GRIK4: variants seen among roughly 807,000 people sequenced by gnomAD.
The protein encoded by GRIK4 is glutamate ionotropic receptor kainate type subunit 4.
In GRIK4, 40 loss-of-function variants were observed where a neutral mutation model predicts 104.9. That is an observed-to-expected ratio of 0.38 (90% CI 0.30 to 0.50). The LOEUF is 0.50. Among genes scored for constraint, GRIK4 ranks in the 20% least tolerant of loss-of-function variants. The pLI is 0.93. For missense variants in GRIK4, 1,047 were observed against 1,308.1 expected (o/e 0.80, Z 3.08); for synonymous variants, 485 against 524.9 (o/e 0.92, Z 1.04).
chr11:120,793,503 G>A (rs1565355794), intron 3 of GRIK4, among the ~76,000 whole-genome samples: 2 of 152,252 alleles, frequency 1.3e-5, no homozygotes, highest in Non-Finnish European at 2.9e-5. Flanking sequence ...GAGCTTGTTG[G>A]GAAGGTATGG....
At position 120,517,542 on chromosome 11, in the gene GRIK4, G is replaced by A. The variant is rs540209492; in HGVS notation, c.-159+5655G>A. 8.0e-5 allele frequency among the ~76,000 whole-genome samples: 12 copies of A among 149,104 alleles called. 1 individual carries two copies. In the South Asian group the frequency reaches 2.6e-3, roughly 33 times the overall value. On this transcript the variant is annotated intron_variant, in intron 1 of 20. Transcript: ENST00000527524. ...AAAGTTGGAGAGCAGGGAGACCCAA[G>A]TGGTGAGGGTGATAGCTGTGCTACG... is the stretch of plus-strand genomic sequence containing the variant.
At chr11:120,633,699 G>A (rs1949359773) in intron 1 of GRIK4, among the ~76,000 whole-genome samples, 1 of 152,234 alleles carries the variant, frequency 6.6e-6, no homozygotes, top group Non-Finnish European at 1.5e-5. Flanking sequence ...GGCTGTGTTA[G>A]CATTAGAAGG....
At chr11:120,522,026 T>G (rs1947801456) in intron 1 of GRIK4, among the ~76,000 whole-genome samples, 1 of 152,360 alleles carries the variant, frequency 6.6e-6, no homozygotes, top group East Asian at 1.9e-4. Context: ...TAGGTACTGT[T>G]GTCCCACTTT....
At chr11:120,672,170 C>G (rs930750205) in intron 3 of GRIK4, among the ~76,000 whole-genome samples, 18 of 152,258 alleles carry the variant, frequency 1.2e-4, no homozygotes, top group African/African-American at 3.6e-4. Flanking sequence ...GTAATCCCAG[C>G]ACTTTGGGTG....
At chr11:120,704,662 C>T (rs968666763) in intron 3 of GRIK4, among the ~76,000 whole-genome samples, 1 of 151,082 alleles carries the variant, frequency 6.6e-6, no homozygotes, top group African/African-American at 2.4e-5. Context: ...GGTATGTGGT[C>T]GGTAAATGTC....
chr11:120,659,095 TCCAGGTGCTCATCAG>T (rs2135237120), intron 2 of GRIK4, among the ~76,000 whole-genome samples: 1 of 152,200 alleles, frequency 6.6e-6, no homozygotes, highest in Admixed American at 6.5e-5. Flanking sequence ...GATTAGCATA[TCCAGGTGCTCATCAG>T]CCGCACCCTC....
At chr11:120,811,881 C>T (rs1231362749) in intron 4 of GRIK4, among the ~76,000 whole-genome samples, 1 of 152,162 alleles carries the variant, frequency 6.6e-6, no homozygotes, top group African/African-American at 2.4e-5. Flanking sequence ...GAGTGGGCCT[C>T]AGTGTGGTTC....
chr11:120,613,143 C>T (rs576210558), intron 1 of GRIK4, among the ~76,000 whole-genome samples: 92 of 152,248 alleles, frequency 6.0e-4, no homozygotes, highest in African/African-American at 1.5e-3. Context: ...TCAGAGAGCT[C>T]GGGTTCTGGA....
intron 3 of GRIK4, among the ~76,000 whole-genome samples, chr11:120,785,900 G>A (rs914646343): frequency 6.6e-5 from 10 of 152,140 alleles, no homozygotes; most frequent in Non-Finnish European, 1.3e-4. Context: ...CACTCAGCGG[G>A]GTTGCCAAGC....
intron 14 of GRIK4, among the ~76,000 whole-genome samples, chr11:120,945,608 C>A (rs1038430550): frequency 7.2e-5 from 11 of 152,292 alleles, no homozygotes; most frequent in South Asian, 2.1e-4. Context: ...TATTAGGGAA[C>A]CTTACAGGGC....
At chr11:120,679,984 TA>T (rs1157281773) in intron 3 of GRIK4, among the ~76,000 whole-genome samples, 12 of 152,220 alleles carry the variant, frequency 7.9e-5, no homozygotes, top group Non-Finnish European at 2.9e-5. Context: ...CTGCCTAGAA[TA>T]CTCTTCTTCT....
rs1211013276 is a variant in GRIK4 at position 120,835,419 on chromosome 11, C to G, written c.691-1372C>G. 2.0e-5 allele frequency among the ~76,000 whole-genome samples: 3 copies of G among 152,084 alleles called. No homozygotes were observed. In the East Asian group the frequency reaches 5.8e-4, roughly 29 times the overall value. On this transcript the variant is annotated intron_variant, in intron 7 of 20. Transcript: ENST00000527524. ...CGTGGGTGCCTGTAATTTCAGCTAC[C>G]TGGCAGCCTGAGGCAGGAGAATCAC...
chr11:120,674,638 G>A (rs1417667519), intron 3 of GRIK4, among the ~76,000 whole-genome samples: 1 of 152,240 alleles, frequency 6.6e-6, no homozygotes, highest in Non-Finnish European at 1.5e-5. Flanking sequence ...GACACAGGTG[G>A]GGGAGGGAAT....
intron 3 of GRIK4, among the ~76,000 whole-genome samples, chr11:120,707,902 T>G (rs1313293325): frequency 6.6e-6 from 1 of 152,196 alleles, no homozygotes; most frequent in Admixed American, 6.5e-5. Context: ...GTTCTAAGAC[T>G]GAGCAACCCA....
At chr11:120,933,761 C>A (rs1943530146) in intron 13 of GRIK4, among the ~76,000 whole-genome samples, 1 of 152,118 alleles carries the variant, frequency 6.6e-6, no homozygotes, top group Non-Finnish European at 1.5e-5. Flanking sequence ...AAAAATGAGT[C>A]CCAGAGAAGG....
intron 1 of GRIK4, among the ~76,000 whole-genome samples, chr11:120,620,905 C>A (rs975690410): frequency 6.6e-6 from 1 of 152,178 alleles, no homozygotes; most frequent in Non-Finnish European, 1.5e-5. Context: ...AAGTAGATAT[C>A]ATTACCCGCC....
intron 12 of GRIK4, among the ~76,000 whole-genome samples, chr11:120,899,030 C>T (rs1828202502): frequency 6.6e-6 from 1 of 152,132 alleles, no homozygotes; most frequent in South Asian, 2.1e-4. Flanking sequence ...ACAGGACCCT[C>T]CCCCACCACA....
At chr11:120,854,387 G>A (rs557821426) in intron 8 of GRIK4, among the ~76,000 whole-genome samples, 72 of 152,294 alleles carry the variant, frequency 4.7e-4, no homozygotes, top group African/African-American at 1.6e-3. Flanking sequence ...GCTGCAAATA[G>A]GGCCAGTTAT....
chr11:120,672,565 G>A (rs1700127943), intron 3 of GRIK4, among the ~76,000 whole-genome samples: 1 of 152,196 alleles, frequency 6.6e-6, no homozygotes, highest in Non-Finnish European at 1.5e-5. Context: ...CTATCCATGA[G>A]CATGGAATGT....
Sources: gnomAD v4.1 joint callset for allele counts (sites outside exome capture counted in the v4.1 genomes callset) on GRCh38, gnomAD v4.1.1 for gene constraint, MANE v1.5 for transcripts, NCBI Gene and HGNC (gene_info 2026-07-23, HGNC 2026-07-21) for gene names.